PDE7B: variants seen among roughly 807,000 people sequenced by gnomAD.
PDE7B encodes phosphodiesterase 7B, also known as 3',5'-cyclic-AMP phosphodiesterase 7B.
PDE7B carries 29 observed loss-of-function variants against 56.2 expected under a neutral mutation model. The ratio of observed to expected loss-of-function variants is 0.52; its 90% CI spans 0.38 to 0.70. The LOEUF is 0.70. Ranked by LOEUF, PDE7B falls within the 30% of genes least tolerant of loss-of-function variation. PDE7B has a pLI of 0.00. For missense variants in PDE7B, 490 were observed against 565.0 expected (o/e 0.87, Z 1.35); for synonymous variants, 197 against 196.9 (o/e 1.00, Z 0.00).
At chr6:135,916,427 C>G in intron 1 of PDE7B, among the ~76,000 whole-genome samples, 1 of 66,536 alleles carries the variant, frequency 1.5e-5, no homozygotes, top group African/African-American at 5.4e-5. Flanking sequence ...GAGTTTTGCT[C>G]TGTTGCCCAG....
intron 1 of PDE7B, among the ~76,000 whole-genome samples, chr6:135,897,707 T>C (rs1775927303): frequency 6.6e-6 from 1 of 152,226 alleles, no homozygotes; most frequent in Admixed American, 6.5e-5. Context: ...TACTTCAATT[T>C]AGGCACTAAA....
chr6:136,181,122 G>T, intron 10 of PDE7B, 105 bp from the exon 11 acceptor site: 2 of 771,254 alleles, frequency 2.6e-6, no homozygotes, highest in Non-Finnish European at 4.7e-6. Context: ...TATGGGCCTG[G>T]TACTGTGAGC....
chr6:135,981,999 A>C (rs1775306045), intron 2 of PDE7B, among the ~76,000 whole-genome samples: 1 of 152,090 alleles, frequency 6.6e-6, no homozygotes, highest in African/African-American at 2.4e-5. Context: ...AAGTCACTAG[A>C]CGATAGGAAC....
intron 2 of PDE7B, among the ~76,000 whole-genome samples, chr6:136,065,756 GT>G (rs1430606075): frequency 1.3e-5 from 2 of 151,338 alleles, no homozygotes; most frequent in Non-Finnish European, 3.0e-5. Flanking sequence ...CATCTAAATA[GT>G]TTAGTTTATT....
intron 2 of PDE7B, among the ~76,000 whole-genome samples, chr6:135,957,143 G>A (rs576181827): frequency 1.3e-5 from 2 of 152,244 alleles, no homozygotes; most frequent in African/African-American, 4.8e-5. Flanking sequence ...GATAGAGACA[G>A]GTGTGCCTGG....
intron 3 of PDE7B, among the ~76,000 whole-genome samples, chr6:136,137,208 A>G (rs1229196771): frequency 6.6e-6 from 1 of 151,902 alleles, no homozygotes; most frequent in African/African-American, 2.4e-5. Context: ...GTACACTATG[A>G]TTGCACACCT....
chr6:136,151,751 C>T (rs536317184), intron 6 of PDE7B, among the ~76,000 whole-genome samples: 1 of 152,066 alleles, frequency 6.6e-6, no homozygotes, highest in South Asian at 2.1e-4. Flanking sequence ...CTGGCCAGCA[C>T]AGTGAAACCC....
rs563662178 is a variant in PDE7B at position 136,183,296 on chromosome 6, T to TTA, written c.1045+1974_1045+1975dup. 2.0e-4 allele frequency among the ~76,000 whole-genome samples: 31 copies of TTA among 152,032 alleles called. No individual in the cohort carries two copies. The South Asian group carries it at 6.2e-3, about 31-fold the overall frequency. On this transcript the variant is annotated intron_variant, in intron 11 of 12. Coordinates refer to ENST00000308191, the MANE Select transcript of PDE7B (RefSeq NM_018945.4). Reference sequence around the variant, plus strand: ...TGGTCTAGTAGAAATTCTGCTTGTTTTAAGAGAAGATTATAGGCTGGGCAT... The same window carrying TTA: ...TGGTCTAGTAGAAATTCTGCTTGTTTTATAAGAGAAGATTATAGGCTGGGCAT...
intron 1 of PDE7B, among the ~76,000 whole-genome samples, 183 bp downstream of exon 1, chr6:135,852,202 C>T (rs930336006): frequency 2.0e-5 from 3 of 152,020 alleles, no homozygotes; most frequent in African/African-American, 7.3e-5. Flanking sequence ...TAAACATTAT[C>T]ACTTACCCTG....
intron 2 of PDE7B, among the ~76,000 whole-genome samples, chr6:136,074,893 G>A (rs531295633): frequency 1.4e-4 from 21 of 152,244 alleles, no homozygotes; most frequent in African/African-American, 4.8e-4. Flanking sequence ...GCACATGGGA[G>A]TGCAGGGAGC....
At chr6:135,947,369 A>G in intron 1 of PDE7B, 95 bp from the exon 2 acceptor site, 1 of 962,824 alleles carries the variant, frequency 1.0e-6, no homozygotes, top group Non-Finnish European at 1.7e-6. Context: ...ACAAAAGTAG[A>G]ATAATGTTAT....
intron 2 of PDE7B, chr6:136,070,193 A>T (rs890426675): frequency 1.3e-5 from 2 of 152,072 alleles, no homozygotes; most frequent in African/African-American, 4.8e-5. Context: ...AGAAACAGCT[A>T]CTTAAACTCA....
intron 2 of PDE7B, among the ~76,000 whole-genome samples, chr6:136,022,250 T>G (rs1238701384): frequency 6.6e-6 from 1 of 152,250 alleles, no homozygotes; most frequent in African/African-American, 2.4e-5. Flanking sequence ...GAGAATTTTC[T>G]GGTTAATGTT....
intron 3 of PDE7B, among the ~76,000 whole-genome samples, chr6:136,134,672 C>T (rs1233173334): frequency 6.8e-6 from 1 of 146,630 alleles, no homozygotes; most frequent in African/African-American, 2.6e-5. Context: ...AGTTTTCCAA[C>T]CAACCCTGAA....
intron 2 of PDE7B, among the ~76,000 whole-genome samples, chr6:136,073,039 G>A (rs1163398316): frequency 5.9e-5 from 9 of 152,090 alleles, no homozygotes; most frequent in Admixed American, 3.9e-4. Context: ...GGGCTGGGCC[G>A]CTTGGAGACC....
At chr6:135,960,384 G>A (rs896437763) in intron 2 of PDE7B, among the ~76,000 whole-genome samples, 6 of 152,162 alleles carry the variant, frequency 3.9e-5, no homozygotes, top group Non-Finnish European at 8.8e-5. Flanking sequence ...AGTTTCAAAT[G>A]TTAGCATCTT....
chr6:135,863,059 A>G (rs955052333), intron 1 of PDE7B, among the ~76,000 whole-genome samples: 5 of 152,104 alleles, frequency 3.3e-5, no homozygotes, highest in Middle Eastern at 3.4e-3. Context: ...TGAAACTTGA[A>G]TGTATAACCG....
In PDE7B at chr6:135,943,954, C is replaced by T. The variant is rs145917695; in HGVS notation, c.22-3510C>T. On this transcript the variant is annotated intron_variant, in intron 1 of 12. Transcript: ENST00000308191. ...GATCCAGCCCCTTGGATGAGTTCTT[C>T]AATAACTATGCCCTATTATCTGAAG... 4.9e-3 allele frequency among the ~76,000 whole-genome samples: 751 copies of T among 152,272 alleles called. 6 individuals are homozygous for T. The highest frequency in any genetic ancestry group is 0.018 in the African/African-American group (730 of 41,552).
intron 2 of PDE7B, among the ~76,000 whole-genome samples, chr6:136,003,414 C>G (rs879779740): frequency 2.0e-5 from 3 of 152,104 alleles, no homozygotes; most frequent in Non-Finnish European, 4.4e-5. Flanking sequence ...AATCCAGAAG[C>G]TGGTTTATTG....
Sources: allele counts gnomAD v4.1 joint callset (sites outside exome capture counted in the v4.1 genomes callset), GRCh38; gene constraint gnomAD v4.1.1; transcripts MANE v1.5; gene names NCBI Gene and HGNC (gene_info 2026-07-23, HGNC 2026-07-21).